Variants in RAP1B observed in about 807,000 individuals in gnomAD.
The protein encoded by RAP1B is ras-related protein Rap-1b.
A neutral mutation model predicts 27.5 loss-of-function variants in RAP1B; 1 was observed. That is an observed-to-expected ratio of 0.04 (90% CI 0.01 to 0.17). The LOEUF (loss-of-function observed/expected upper bound fraction) is 0.17, where lower values mean the gene tolerates loss of function less well. Ranked by LOEUF, RAP1B falls within the 10% of genes least tolerant of loss-of-function variation. The probability of loss-of-function intolerance (pLI) is 1.00; values close to 1 mark genes in which losing one functional copy is unlikely to be tolerated. For missense variants in RAP1B, 84 were observed against 214.8 expected, an observed-to-expected ratio of 0.39 and a Z score of 3.81; for synonymous variants, 75 against 73.1, an observed-to-expected ratio of 1.03 and a Z score of -0.13.
In RAP1B at chr12:68,627,470, C is replaced by A. The variant is rs557292055; in HGVS notation, c.-27+16427C>A. On this transcript the variant is annotated intron_variant, in intron 1 of 7. Transcript: ENST00000250559. ...GTTAGGAGTATAAATGGTTTGGTAG[C>A]CAACCACTACTTTAAAATTGATTAG... 6 of 293,446 alleles carry A rather than the reference C, an allele frequency of 2.0e-5. No homozygotes were observed. The South Asian group carries it at 2.2e-4, about 11-fold the overall frequency. 18.2% of individuals were successfully genotyped at this position (293,446 alleles called of 1,614,324 possible). A position where few individuals can be genotyped will look rare whatever the true frequency, so the allele number is the denominator to read the frequency against.
In RAP1B at chr12:68,662,516, T is replaced by C. The variant is rs1393589799; in HGVS notation, c.*3267T>C. ...CCGTTTTTTTTTTTAAATCATTCCG[T>C]CTTTAGTTGTGGGACAGCAAACTTA... On this transcript the variant is annotated 3_prime_UTR_variant, in exon 8 of 8. Coordinates refer to ENST00000250559, the MANE Select transcript of RAP1B (RefSeq NM_001010942.3). The C allele has an allele frequency of 6.6e-6, 1 of 151,940 alleles. No homozygotes were observed. The highest frequency in any genetic ancestry group is 1.9e-4 in the East Asian group (1 of 5,186). The allele number at this position is 151,940 out of a possible 1,614,324, so 9.4% of individuals were successfully genotyped here. A position where few individuals can be genotyped will look rare whatever the true frequency, so the allele number is the denominator to read the frequency against.
Position 68,670,338 on chromosome 12 carries a change from G to A in RAP1B, c.*11089G>A, listed in dbSNP as rs1875037398. Reference sequence around the variant, plus strand: ...GTTCAACCCCTATATCATGCAAAAAGCACTTTCCAGATATATTAAAATGTT... The same window carrying A: ...GTTCAACCCCTATATCATGCAAAAAACACTTTCCAGATATATTAAAATGTT... On this transcript the variant is annotated 3_prime_UTR_variant, in exon 8 of 8. Transcript: ENST00000250559. 6.6e-6 allele frequency: 1 copy of A among 152,134 alleles called. No homozygotes were observed. The highest frequency in any genetic ancestry group is 1.5e-5 in the Non-Finnish European group (1 of 68,038). The allele number at this position is 152,134 out of a possible 1,614,324, so 9.4% of individuals were successfully genotyped here.
At chr12:68,621,888 T>G (rs994782420) in intron 1 of RAP1B, among the ~76,000 whole-genome samples, 2 of 152,232 alleles carry the variant, frequency 1.3e-5, no homozygotes, top group Non-Finnish European at 2.9e-5. Context: ...CAGCAGTCCC[T>G]TGTGTACTTT....
intron 1 of RAP1B, among the ~76,000 whole-genome samples, chr12:68,616,320 T>C (rs751340467): frequency 2.3e-4 from 35 of 151,684 alleles, no homozygotes; most frequent in Non-Finnish European, 4.0e-4. Flanking sequence ...AGTCTCGCTC[T>C]GTCAGTCAGG....
chr12:68,613,237 G>T (rs919904962), intron 1 of RAP1B, among the ~76,000 whole-genome samples: 1 of 151,924 alleles, frequency 6.6e-6, no homozygotes, highest in Non-Finnish European at 1.5e-5. Context: ...GCACGCGCCT[G>T]CAATCCCAGC....
chr12:68,647,865 A>C (rs1156327109), intron 1 of RAP1B: 2 of 152,224 alleles, frequency 1.3e-5, no homozygotes, highest in African/African-American at 4.8e-5. Flanking sequence ...GATTAAAATC[A>C]TTTAAATCAG....
rs1316517136 is a variant in RAP1B at position 68,657,081 on chromosome 12, A to G, written c.469-20A>G. 1 of 1,602,122 alleles carries G rather than the reference A, an allele frequency of 6.2e-7. No homozygotes were observed. Among genetic ancestry groups the G allele is most frequent in the Admixed American group, 1.7e-5 (1 of 59,258 alleles). The stretch of plus-strand genomic sequence containing the variant: ...ATAGGTGTTCCTCCTGTAAATTAAA[A>G]CAAATTATTGTATTTGCAGATCTTT... On this transcript the variant is annotated intron_variant, in intron 6 of 7. Transcript: ENST00000250559.
In RAP1B at chr12:68,671,841, G is replaced by T. The variant is rs1875107091; in HGVS notation, c.*12592G>T. On this transcript the variant is annotated 3_prime_UTR_variant, in exon 8 of 8. Transcript: ENST00000250559. ...AATGTCATCATTATATGTAAAATAT[G>T]AATGTAAAATACATGGGAGGATAAT... is the stretch of plus-strand genomic sequence containing the variant. 6.6e-6 allele frequency: 1 copy of T among 151,920 alleles called. No individual in the cohort carries two copies. Among genetic ancestry groups the T allele is most frequent in the African/African-American group, 2.4e-5 (1 of 41,378 alleles). The allele number at this position is 151,920 out of a possible 1,614,324, so 9.4% of individuals were successfully genotyped here.
At chr12:68,620,221 T>A (rs1048316140) in intron 1 of RAP1B, among the ~76,000 whole-genome samples, 13 of 151,498 alleles carry the variant, frequency 8.6e-5, no homozygotes, top group African/African-American at 3.1e-4. Context: ...TTATTTTTAT[T>A]TTTATTTTTT....
chr12:68,611,225 C>G (rs190718336), intron 1 of RAP1B, among the ~76,000 whole-genome samples, 182 bp downstream of exon 1: 20,264 of 147,068 alleles, frequency 0.14, 1,784 homozygotes, highest in African/African-American at 0.24. Flanking sequence ...GCGCCGGGCC[C>G]GCGAGCGCGC....
intron 1 of RAP1B, among the ~76,000 whole-genome samples, chr12:68,646,903 T>C (rs73332542): frequency 0.052 from 7,934 of 152,276 alleles, 675 homozygotes; most frequent in African/African-American, 0.18. Flanking sequence ...TCAACCATTG[T>C]AGATTTTTTC....
In RAP1B at chr12:68,659,769, G is replaced by A. The variant is rs932491777; in HGVS notation, c.*520G>A. The A allele has an allele frequency of 4.6e-5, 7 of 152,482 alleles. No homozygotes were observed. The highest frequency in any genetic ancestry group is 1.3e-4 in the Admixed American group (2 of 15,274). The allele number at this position is 152,482 out of a possible 1,614,324, so 9.4% of individuals were successfully genotyped here. On this transcript the variant is annotated 3_prime_UTR_variant, in exon 8 of 8. Transcript: ENST00000250559. ...TATTATTGTACAAAATAAGCGCTTT[G>A]ATTAACACAGCTATATAGTTTTTTT...
chr12:68,630,497 A>C (rs1872156247), intron 1 of RAP1B, among the ~76,000 whole-genome samples: 1 of 152,154 alleles, frequency 6.6e-6, no homozygotes, highest in African/African-American at 2.4e-5. Flanking sequence ...TAGGGCAAGA[A>C]ACTGGTTTTG....
At chr12:68,624,856 A>T (rs17105624) in intron 1 of RAP1B, 1 of 152,232 alleles carries the variant, frequency 6.6e-6, no homozygotes, top group Non-Finnish European at 1.5e-5. Context: ...GAACCATTTG[A>T]TAGTGACAAG....
chr12:68,648,668 A>C, intron 1 of RAP1B, 31 bp from the exon 2 acceptor site: 5 of 1,429,530 alleles, frequency 3.5e-6, no homozygotes, highest in Non-Finnish European at 4.9e-6. Context: ...AACTTTACTT[A>C]GAATTCTTTT....
rs1383502761 is a variant in RAP1B at position 68,660,852 on chromosome 12, C to G, written c.*1603C>G. 2.0e-5 allele frequency: 3 copies of G among 152,100 alleles called. No individual in the cohort carries two copies. The highest frequency in any genetic ancestry group is 4.4e-5 in the Non-Finnish European group (3 of 68,010). The allele number at this position is 152,100 out of a possible 1,614,324, so 9.4% of individuals were successfully genotyped here. A position where few individuals can be genotyped will look rare whatever the true frequency, so the allele number is the denominator to read the frequency against. ...AAAGAGGAACGATTTAACATACTTT[C>G]ATGGATGTTACACTATGGATTTTTT... is the stretch of plus-strand genomic sequence containing the variant. On this transcript the variant is annotated 3_prime_UTR_variant, in exon 8 of 8. Coordinates refer to ENST00000250559, the MANE Select transcript of RAP1B (RefSeq NM_001010942.3).
chr12:68,666,616 C>A lies in RAP1B; in HGVS notation c.*7367C>A, dbSNP rs1276354127. 1 of 152,206 alleles carries A rather than the reference C, an allele frequency of 6.6e-6. No homozygotes were observed. The highest frequency in any genetic ancestry group is 1.9e-4 in the East Asian group (1 of 5,200). The allele number at this position is 152,206 out of a possible 1,614,324, so 9.4% of individuals were successfully genotyped here. ...ACATTTAGGGCTTACCCACATACTT[C>A]AGGATAATCTCATCTCAAAATGCTT... is the stretch of plus-strand genomic sequence containing the variant. On this transcript the variant is annotated 3_prime_UTR_variant, in exon 8 of 8. Coordinates refer to ENST00000250559, the MANE Select transcript of RAP1B (RefSeq NM_001010942.3).
chr12:68,642,324 G>A (rs547447208), intron 1 of RAP1B, among the ~76,000 whole-genome samples: 1 of 152,068 alleles, frequency 6.6e-6, no homozygotes, highest in Non-Finnish European at 1.5e-5. Context: ...GGAAATTCAA[G>A]CGAGAATGAT....
chr12:68,669,935 CTTTTTTTTTTT>C lies in RAP1B; in HGVS notation c.*10696_*10706del, dbSNP rs549794675. On this transcript the variant is annotated 3_prime_UTR_variant, in exon 8 of 8. Coordinates refer to ENST00000250559, the MANE Select transcript of RAP1B (RefSeq NM_001010942.3). ...GACAAAAATATATTTCTTTTTCTTT[CTTTTTTTTTTT>C]TTTTTTTTTGAGACAGTTTCCCTCT... is the stretch of plus-strand genomic sequence containing the variant. 9.5e-6 allele frequency: 1 copy of C among 105,384 alleles called. No individual in the cohort carries two copies. Among genetic ancestry groups the C allele is most frequent in the Non-Finnish European group, 1.8e-5 (1 of 55,706 alleles). The allele number at this position is 105,384 out of a possible 1,614,324, so 6.5% of individuals were successfully genotyped here.
Sources: gnomAD v4.1 joint callset for allele counts (sites outside exome capture counted in the v4.1 genomes callset) on GRCh38, gnomAD v4.1.1 for gene constraint, MANE v1.5 for transcripts, NCBI Gene and HGNC (gene_info 2026-07-23, HGNC 2026-07-21) for gene names.